Variants in HSD11B1 observed in about 807,000 individuals in gnomAD.
HSD11B1 encodes the protein 11-beta-hydroxysteroid dehydrogenase 1.
Under a neutral mutation model 22.1 loss-of-function variants are expected in HSD11B1, and 15 were observed. The ratio of observed to expected loss-of-function variants is 0.68; its 90% CI spans 0.45 to 1.04. The LOEUF is 1.04. HSD11B1 is among the 50% of genes least tolerant of loss of function. The pLI is 0.00. For synonymous variants in HSD11B1, 122 were observed against 125.2 expected, an observed-to-expected ratio of 0.97 and a Z score of 0.17; for missense variants, 281 against 357.6, an observed-to-expected ratio of 0.79 and a Z score of 1.73.
chr1:209,707,758 A>T (rs1006558875), intron 4 of HSD11B1, among the ~76,000 whole-genome samples: 1 of 152,244 alleles, frequency 6.6e-6, no homozygotes, highest in Non-Finnish European at 1.5e-5. Flanking sequence ...TCCTGGTCCT[A>T]AGTGAGAGAC....
At chr1:209,733,656 A>G (rs2077049274) in intron 5 of HSD11B1, among the ~76,000 whole-genome samples, 1 of 152,208 alleles carries the variant, frequency 6.6e-6, no homozygotes, top group Non-Finnish European at 1.5e-5. Context: ...GTTAAGTCCA[A>G]ATACAAGTTT....
At position 209,705,943 on chromosome 1, in the gene HSD11B1, T is replaced by C. The variant is rs41283130; in HGVS notation, c.219+2T>C. 5.0e-6 allele frequency: 8 copies of C among 1,613,668 alleles called. No individual in the cohort carries two copies. Among genetic ancestry groups the C allele is most frequent in the Non-Finnish European group, 5.9e-6 (7 of 1,179,740 alleles). On this transcript the variant is annotated splice_donor_variant, in intron 2 of 5. Coordinates refer to ENST00000367027, the MANE Select transcript of HSD11B1 (RefSeq NM_005525.4). LOFTEE classifies it high-confidence loss of function. ...AGGTCAAAAGAAACTCTACAGAAGG[T>C]GAGGGTTCTATGCTCGCAGATATGT...
chr1:209,715,599 C>A (rs2076925140), intron 4 of HSD11B1, among the ~76,000 whole-genome samples: 1 of 152,066 alleles, frequency 6.6e-6, no homozygotes. Flanking sequence ...ATCCCACTAG[C>A]CAAACCTAGA....
At chr1:209,730,716 C>A (rs769398263) in intron 4 of HSD11B1, among the ~76,000 whole-genome samples, 1 of 152,108 alleles carries the variant, frequency 6.6e-6, no homozygotes, top group African/African-American at 2.4e-5. Flanking sequence ...AGTTAACCAC[C>A]TTTCTCAGCA....
At chr1:209,722,637 C>T (rs1208110414) in intron 4 of HSD11B1, among the ~76,000 whole-genome samples, 1 of 152,116 alleles carries the variant, frequency 6.6e-6, no homozygotes, top group East Asian at 1.9e-4. Flanking sequence ...AGAGTTTAGA[C>T]CATGAGGGTC....
At chr1:209,709,937 A>AACACACAC (rs71143893) in intron 4 of HSD11B1, among the ~76,000 whole-genome samples, 3,155 of 143,854 alleles carry the variant, frequency 0.022, 56 homozygotes, top group African/African-American at 0.046. Context: ...CCACATGTGA[A>AACACACAC]ACACACACAC....
At chr1:209,691,070 G>C (rs2076756932) in intron 1 of HSD11B1, among the ~76,000 whole-genome samples, 1 of 152,194 alleles carries the variant, frequency 6.6e-6, no homozygotes, top group Non-Finnish European at 1.5e-5. Context: ...AAGTCCTGGA[G>C]AAAGAAAAAT....
At chr1:209,703,463 T>A (rs895806651), upstream of HSD11B1, among the ~76,000 whole-genome samples, 1 of 152,212 alleles carries the variant, frequency 6.6e-6, no homozygotes, top group Non-Finnish European at 1.5e-5. Context: ...GAATTTTATC[T>A]TTTTTCTCTT....
chr1:209,692,187 C>T (rs570333248), intron 1 of HSD11B1, among the ~76,000 whole-genome samples: 1 of 152,162 alleles, frequency 6.6e-6, no homozygotes, highest in African/African-American at 2.4e-5. Context: ...CTCTAACAAG[C>T]TAAAGTTAAA....
At chr1:209,701,582 C>G (rs1349496783), upstream of HSD11B1, among the ~76,000 whole-genome samples, 1 of 152,300 alleles carries the variant, frequency 6.6e-6, no homozygotes, top group Middle Eastern at 3.4e-3. Flanking sequence ...AAGGCAGAAC[C>G]TCTGAACACA....
intron 4 of HSD11B1, 135 bp from the exon 5 acceptor site, chr1:209,732,301 C>T (rs1421766722): frequency 5.3e-6 from 5 of 948,714 alleles, no homozygotes; most frequent in Non-Finnish European, 6.6e-6. Flanking sequence ...AGCAGTATAA[C>T]TTCCATGGGG....
chr1:209,710,762 G>A (rs2076890016), intron 4 of HSD11B1, among the ~76,000 whole-genome samples: 1 of 152,120 alleles, frequency 6.6e-6, no homozygotes, highest in East Asian at 1.9e-4. Flanking sequence ...AGATCAGAAG[G>A]AATAAAAGAA....
chr1:209,718,491 GA>G (rs1251262559), intron 4 of HSD11B1, among the ~76,000 whole-genome samples: 3 of 152,096 alleles, frequency 2.0e-5, no homozygotes, highest in Admixed American at 1.3e-4. Flanking sequence ...AATCATTAGG[GA>G]AATGCAAATT....
chr1:209,714,689 AT>A (rs1051329057), intron 4 of HSD11B1, among the ~76,000 whole-genome samples: 4 of 152,038 alleles, frequency 2.6e-5, no homozygotes, highest in African/African-American at 9.7e-5. Context: ...ATTGTCGAGC[AT>A]TTTTTAGCAT....
intron 4 of HSD11B1, among the ~76,000 whole-genome samples, chr1:209,709,417 T>A (rs2076880638): frequency 6.6e-6 from 1 of 152,224 alleles, no homozygotes; most frequent in South Asian, 2.1e-4. Context: ...TTCTTGTATG[T>A]GTAACATCCC....
At chr1:209,687,204 T>C (rs1446230361) in intron 1 of HSD11B1, among the ~76,000 whole-genome samples, 2 of 152,244 alleles carry the variant, frequency 1.3e-5, no homozygotes. Context: ...TTCACAACAG[T>C]TGGCTTTTAA....
In HSD11B1 at chr1:209,707,091, G is replaced by A; in HGVS notation, c.480G>A (p.Gln160=). 6.2e-7 allele frequency: 1 copy of A among 1,614,054 alleles called. No individual in the cohort carries two copies. Residue 160 remains glutamine (Q), a synonymous_variant, in exon 4 of 6, where the codon CAG becomes CAA. Transcript: ENST00000367027. Reference sequence around the variant, plus strand: ...TAGCTGCCTTGCCCATGCTGAAGCAGAGCAATGGAAGCATTGTTGTCGTCT... The same window carrying A: ...TAGCTGCCTTGCCCATGCTGAAGCAAAGCAATGGAAGCATTGTTGTCGTCT... ...LTVAALPMLK[Q]SNGSIVVVSS... is the part of the protein sequence containing the mutation.
chr1:209,687,995 T>G (rs1178821260), intron 1 of HSD11B1, among the ~76,000 whole-genome samples: 1 of 152,230 alleles, frequency 6.6e-6, no homozygotes, highest in Non-Finnish European at 1.5e-5. Context: ...TATCCTCATT[T>G]TACAAATAAC....
chr1:209,701,729 A>G (rs2076827994), upstream of HSD11B1, among the ~76,000 whole-genome samples: 1 of 152,244 alleles, frequency 6.6e-6, no homozygotes. Flanking sequence ...TGTTTCTTTC[A>G]TGATCAACGT....
Sources: gnomAD v4.1 joint callset for allele counts (sites outside exome capture counted in the v4.1 genomes callset) on GRCh38, gnomAD v4.1.1 for gene constraint, MANE v1.5 for transcripts, NCBI Gene and HGNC (gene_info 2026-07-23, HGNC 2026-07-21) for gene names.